Variants in NPAS2 observed in about 807,000 individuals in gnomAD.
NPAS2 encodes neuronal PAS domain protein 2.
Under a neutral mutation model 107.5 loss-of-function variants are expected in NPAS2, and 23 were observed. That is an observed-to-expected ratio of 0.21 (90% CI 0.15 to 0.30). The LOEUF (loss-of-function observed/expected upper bound fraction) is 0.30. NPAS2 is among the 10% of genes least tolerant of loss of function. The pLI is 1.00. For synonymous variants in NPAS2, 403 were observed against 417.5 expected (o/e 0.97, Z 0.42); for missense variants, 756 against 1,043.3 (o/e 0.72, Z 3.79).
intron 19 of NPAS2, among the ~76,000 whole-genome samples, chr2:100,991,146 A>C (rs576319592): frequency 6.6e-6 from 1 of 152,048 alleles, no homozygotes; most frequent in African/African-American, 2.4e-5. Context: ...ACTTCCTTAC[A>C]CCTGTAAAGC....
intron 1 of NPAS2, among the ~76,000 whole-genome samples, chr2:100,867,609 T>G (rs537270177): frequency 6.6e-6 from 1 of 152,308 alleles, no homozygotes; most frequent in East Asian, 1.9e-4. Context: ...GAGAACAATG[T>G]TTGCTAGGTT....
chr2:100,856,471 C>T (rs1678561194), intron 1 of NPAS2, among the ~76,000 whole-genome samples: 1 of 152,082 alleles, frequency 6.6e-6, no homozygotes, highest in Admixed American at 6.5e-5. Context: ...CTTTGATAAG[C>T]ATTTAAATGT....
intron 1 of NPAS2, chr2:100,877,824 A>G: frequency 2.6e-6 from 1 of 388,316 alleles, no homozygotes; most frequent in Non-Finnish European, 3.5e-6. Flanking sequence ...CCGTGTCTTC[A>G]GCCGGTGCAT....
At chr2:100,923,153 G>A (rs1038188779) in intron 2 of NPAS2, among the ~76,000 whole-genome samples, 2 of 152,172 alleles carry the variant, frequency 1.3e-5, no homozygotes, top group African/African-American at 4.8e-5. Flanking sequence ...TTGCTGCCAC[G>A]CCTGCAGTTA....
chr2:100,975,638 T>C (rs1236389480), intron 14 of NPAS2, 71 bp downstream of exon 14: 1 of 1,114,582 alleles, frequency 9.0e-7, no homozygotes, highest in East Asian at 2.7e-5. Flanking sequence ...AGCCAGGCGA[T>C]GTGCTGCGTC....
chr2:100,843,412 A>G (rs1280421649), intron 1 of NPAS2, among the ~76,000 whole-genome samples: 1 of 152,152 alleles, frequency 6.6e-6, no homozygotes, highest in Non-Finnish European at 1.5e-5. Flanking sequence ...ACAGCAATAT[A>G]GTTTTGGGGA....
intron 7 of NPAS2, 131 bp from the exon 8 acceptor site, chr2:100,963,927 A>G (rs1676061992): frequency 1.7e-6 from 1 of 591,520 alleles, no homozygotes. Context: ...AGTTGTGAAA[A>G]TGAAATGAGT....
intron 2 of NPAS2, among the ~76,000 whole-genome samples, chr2:100,920,968 C>T (rs1198898634): frequency 2.6e-5 from 4 of 152,338 alleles, no homozygotes; most frequent in East Asian, 3.9e-4. Flanking sequence ...CCTTCCCCAA[C>T]GGGGAACACA....
In NPAS2 at chr2:100,925,191, T is replaced by C; in HGVS notation, c.78T>C (p.Asn26=). The C allele has an allele frequency of 1.2e-6, 2 of 1,614,140 alleles. No individual in the cohort carries two copies. Among genetic ancestry groups the C allele is most frequent in the Non-Finnish European group, 1.7e-6 (2 of 1,179,992 alleles). ...AGAAGAAGCGTCGGGACCAGTTCAATGTTCTCATCAAAGAGCTCAGTTCCA... is the reference window on the plus strand; with the variant it reads ...AGAAGAAGCGTCGGGACCAGTTCAACGTTCTCATCAAAGAGCTCAGTTCCA... ...KSEKKRRDQF[N]VLIKELSSML... The change falls in exon 3 of 21, where the codon AAT becomes AAC. Residue 26 remains asparagine (N), a synonymous_variant. Coordinates refer to ENST00000335681, the MANE Select transcript of NPAS2 (RefSeq NM_002518.4).
rs750218295 is a variant in NPAS2, at chr2:100,974,812, T to C, written c.1150T>C (p.Ser384Pro). 1 of 1,613,848 alleles carries C rather than the reference T, an allele frequency of 6.2e-7. No individual in the cohort carries two copies. Among genetic ancestry groups the C allele is most frequent in the Admixed American group, 1.7e-5 (1 of 59,984 alleles). ...LHSSALKDKG[S>P]SLEPRQHFNT... ...GATGTGTGTGTTTCAGGACAAGGGC[T>C]CAAGCCTGGAACCTCGGCAGCACTT... Residue 384 changes from serine to proline, a missense_variant, in exon 13 of 21, where the codon TCA becomes CCA. Transcript: ENST00000335681.
At chr2:100,958,175 G>T (rs1029957401) in intron 7 of NPAS2, among the ~76,000 whole-genome samples, 16 of 152,276 alleles carry the variant, frequency 1.1e-4, no homozygotes, top group African/African-American at 3.4e-4. Flanking sequence ...GAGTATAAAA[G>T]TTTCCCTGCC....
At chr2:100,967,257 TTTTTTTTG>T (rs1676273699) in intron 10 of NPAS2, among the ~76,000 whole-genome samples, 1 of 141,050 alleles carries the variant, frequency 7.1e-6, no homozygotes, top group African/African-American at 2.8e-5. Context: ...TTTTTTTTTT[TTTTTTTTG>T]AGACAGAGTC....
chr2:100,899,223 CT>C lies in NPAS2; in HGVS notation c.-22-5492del, dbSNP rs368357697. 4.3e-3 allele frequency among the ~76,000 whole-genome samples: 571 copies of C among 133,694 alleles called. 1 individual carries two copies. Among genetic ancestry groups the C allele is most frequent in the African/African-American group, 7.9e-3 (283 of 35,934 alleles). 87.7% of individuals were successfully genotyped at this position (133,694 alleles called of 152,430 possible). ...AAGTTTGTCTGAAAATTATGGACTT[CT>C]TTTTTTTTTTTTTTTTTGAGACAGA... On this transcript the variant is annotated intron_variant, in intron 1 of 20. Coordinates refer to ENST00000335681, the MANE Select transcript of NPAS2 (RefSeq NM_002518.4).
chr2:100,857,010 ATGT>A (rs1331610402), intron 1 of NPAS2, among the ~76,000 whole-genome samples: 2 of 152,064 alleles, frequency 1.3e-5, no homozygotes, highest in African/African-American at 2.4e-5. Flanking sequence ...CAAGCTTAAG[ATGT>A]TGTCATTCCT....
rs1684057354 is a variant in NPAS2, at chr2:100,932,956, G to A, written c.228G>A (p.Lys76=). Residue 76 remains lysine (K), a synonymous_variant, in exon 4 of 21, where the codon AAG becomes AAA. Transcript: ENST00000335681. Reference sequence around the variant, plus strand: ...TCTGTGACATTCAGCAAGACTGGAAGCCTTCATTCCTCAGTAATGAAGAAT... The same window carrying A: ...TCTGTGACATTCAGCAAGACTGGAAACCTTCATTCCTCAGTAATGAAGAAT... ...TEICDIQQDW[K]PSFLSNEEFT... The A allele has an allele frequency of 6.2e-7, 1 of 1,614,132 alleles. No individual in the cohort carries two copies. Among genetic ancestry groups the A allele is most frequent in the Non-Finnish European group, 8.5e-7 (1 of 1,179,962 alleles).
At chr2:100,895,408 T>C (rs1681345437) in intron 1 of NPAS2, among the ~76,000 whole-genome samples, 1 of 152,174 alleles carries the variant, frequency 6.6e-6, no homozygotes, top group Non-Finnish European at 1.5e-5. Context: ...ATCACACTTG[T>C]CCAAGGTTAT....
At chr2:100,912,014 C>T (rs1444481148) in intron 2 of NPAS2, among the ~76,000 whole-genome samples, 2 of 152,134 alleles carry the variant, frequency 1.3e-5, no homozygotes, top group African/African-American at 2.4e-5. Context: ...TAGGAAAGTT[C>T]ACCTTTTATG....
chr2:100,874,974 T>C (rs1679862949), intron 1 of NPAS2, among the ~76,000 whole-genome samples: 1 of 152,146 alleles, frequency 6.6e-6, no homozygotes, highest in African/African-American at 2.4e-5. Flanking sequence ...GTCTATTAAG[T>C]TTCTATTTAT....
In NPAS2 at chr2:100,995,418, T is replaced by C. The variant is rs1324559768; in HGVS notation, c.2311T>C (p.Leu771=). ...HYLQVQAPTS[L]HSEQQDSLLL... ...TTTCTAGGTACAGGCACCAACCTCTTTGCACAGTGAGCAGCAGGACTCGCT... is the reference window on the plus strand; with the variant it reads ...TTTCTAGGTACAGGCACCAACCTCTCTGCACAGTGAGCAGCAGGACTCGCT... The change falls in exon 21 of 21, where the codon TTG becomes CTG. Residue 771 remains leucine (L), a synonymous_variant. Coordinates refer to ENST00000335681, the MANE Select transcript of NPAS2 (RefSeq NM_002518.4). 1.2e-6 allele frequency: 2 copies of C among 1,613,482 alleles called. No homozygotes were observed.
Sources: gnomAD v4.1 joint callset for allele counts (sites outside exome capture counted in the v4.1 genomes callset) on GRCh38, gnomAD v4.1.1 for gene constraint, MANE v1.5 for transcripts, NCBI Gene and HGNC (gene_info 2026-07-23, HGNC 2026-07-21) for gene names.